Variants in HS6ST2 observed in about 807,000 individuals in gnomAD.
The protein encoded by HS6ST2 is heparan sulfate 6-O-sulfotransferase 2.
In HS6ST2, 17 loss-of-function variants were observed where a neutral mutation model predicts 33.0. The observed-to-expected ratio is 0.52, with a 90% CI of 0.35 to 0.77. The LOEUF (loss-of-function observed/expected upper bound fraction) is 0.77, where lower values mean the gene tolerates loss of function less well. Among genes scored for constraint, HS6ST2 ranks in the 30% least tolerant of loss-of-function variants. The probability of loss-of-function intolerance (pLI) is 0.01; values close to 1 mark genes in which losing one functional copy is unlikely to be tolerated. For missense variants in HS6ST2, 519 were observed against 551.7 expected, an observed-to-expected ratio of 0.94 and a Z score of 0.59; for synonymous variants, 248 against 237.1, an observed-to-expected ratio of 1.05 and a Z score of -0.42.
chrX:132,803,276 G>T (rs1254407437), intron 2 of HS6ST2, among the ~76,000 whole-genome samples: 1 of 111,341 alleles, frequency 9.0e-6, no homozygotes, highest in African/African-American at 3.3e-5. Context: ...CTAGTATCTT[G>T]CTTTACCTCT....
chrX:132,902,346 G>C (rs2066433705), intron 2 of HS6ST2, among the ~76,000 whole-genome samples: 1 of 111,737 alleles, frequency 8.9e-6, no homozygotes, highest in Non-Finnish European at 1.9e-5. Context: ...CAAACAATCT[G>C]CCAGCCTTGG....
At chrX:132,840,386 T>G (rs2065697481) in intron 2 of HS6ST2, among the ~76,000 whole-genome samples, 1 of 109,976 alleles carries the variant, frequency 9.1e-6, no homozygotes, top group Admixed American at 9.7e-5. Flanking sequence ...TGGGTTTCCC[T>G]CCTCCCCACT....
At chrX:132,760,319 G>C (rs1379608441) in intron 2 of HS6ST2, among the ~76,000 whole-genome samples, 1 of 110,987 alleles carries the variant, frequency 9.0e-6, no homozygotes, top group Non-Finnish European at 1.9e-5. Context: ...GACTTGGTGG[G>C]AGGTAATTGA....
Position 132,695,733 on chromosome X carries a change from G to A in HS6ST2, c.980+12729C>T, listed in dbSNP as rs148297452. ...AAAGTCATTCGCTGGCTGGGAGCTCGACAAGTACTAATTATTCTCTTCATT... is the reference window on the plus strand; with the variant it reads ...AAAGTCATTCGCTGGCTGGGAGCTCAACAAGTACTAATTATTCTCTTCATT... On this transcript the variant is annotated intron_variant, in intron 3 of 4. Transcript: ENST00000370833. 6.2e-3 allele frequency among the ~76,000 whole-genome samples: 691 copies of A among 111,904 alleles called. 4 individuals carry two copies. Among genetic ancestry groups the A allele is most frequent in the African/African-American group, 0.021 (642 of 30,842 alleles).
At position 132,628,446 on chromosome X, in the gene HS6ST2, C is replaced by T. The variant is rs2063494145; in HGVS notation, c.1715G>A (p.Ser572Asn). The T allele has an allele frequency of 2.5e-6, 3 of 1,210,528 alleles. No homozygotes were observed. Among genetic ancestry groups the T allele is most frequent in the South Asian group, 3.5e-5 (2 of 56,901 alleles). Residue 572 changes from serine to asparagine, a missense_variant, in exon 5 of 5, where the codon AGC (serine) becomes AAC (asparagine). Coordinates refer to ENST00000370833, the MANE Select transcript of HS6ST2 (RefSeq NM_001394073.1). Reference sequence around the variant, plus strand: ...ATTCTGGCTCTGGCCCTGACCCTGGCTCTGGAAATGGGTCTGAAGGAGCCT... The same window carrying T: ...ATTCTGGCTCTGGCCCTGACCCTGGTTCTGGAAATGGGTCTGAAGGAGCCT... ...KGRLLQTHFQ[S>N]QGQGQSQNPN...
In HS6ST2 at chrX:132,958,577, C is replaced by G. The variant is rs1055394389; in HGVS notation, c.26G>C (p.Arg9Pro). 8.5e-7 allele frequency: 1 copy of G among 1,180,478 alleles called. No individual in the cohort carries two copies. The highest frequency in any genetic ancestry group is 1.1e-6 in the Non-Finnish European group (1 of 879,772). ...CGGTTGCCGCGGCGGCTCGAACTCC[C>G]GGACTGCACACGCAGGCAGTGCCAT... MALPACAVREFEPPRQPER... is the reference protein window; with the variant it reads MALPACAVPEFEPPRQPER... The change falls in exon 1 of 5, where the codon CGG becomes CCG. Residue 9 changes from arginine (R) to proline (P), a missense_variant. Coordinates refer to ENST00000370833, the MANE Select transcript of HS6ST2 (RefSeq NM_001394073.1).
intron 2 of HS6ST2, among the ~76,000 whole-genome samples, chrX:132,832,695 A>G (rs2065601889): frequency 8.9e-6 from 1 of 112,027 alleles, no homozygotes; most frequent in Non-Finnish European, 1.9e-5. Flanking sequence ...AAAATACAGA[A>G]GAAAAATCAG....
At chrX:132,708,095 G>C (rs1362557508) in intron 3 of HS6ST2, among the ~76,000 whole-genome samples, 1 of 110,179 alleles carries the variant, frequency 9.1e-6, no homozygotes, top group Non-Finnish European at 1.9e-5. Context: ...CTGAAGCACT[G>C]TAAAGAACAC....
chrX:132,944,849 T>C (rs2066929917), intron 2 of HS6ST2, among the ~76,000 whole-genome samples: 2 of 110,409 alleles, frequency 1.8e-5, no homozygotes, highest in South Asian at 3.9e-4. Context: ...ATACAAAAAT[T>C]AATTCAAGAT....
chrX:132,670,759 G>C (rs181029407), intron 3 of HS6ST2, among the ~76,000 whole-genome samples: 1 of 112,716 alleles, frequency 8.9e-6, no homozygotes, highest in East Asian at 2.8e-4. Context: ...GTTGCAGTGA[G>C]CCAAAATTGT....
intron 2 of HS6ST2, among the ~76,000 whole-genome samples, chrX:132,755,899 T>C (rs2064753224): frequency 8.9e-6 from 1 of 112,081 alleles, no homozygotes; most frequent in South Asian, 3.8e-4. Flanking sequence ...AGTTTGGGCC[T>C]TGTTGGAAAG....
At chrX:132,726,295 T>A (rs2064391572) in intron 2 of HS6ST2, among the ~76,000 whole-genome samples, 1 of 110,503 alleles carries the variant, frequency 9.0e-6, no homozygotes, top group Admixed American at 9.6e-5. Flanking sequence ...ATACACCTAC[T>A]ATGTACCCAC....
chrX:132,669,247 G>C (rs765361232), intron 3 of HS6ST2, 48 bp from the exon 4 acceptor site: 48 of 1,082,351 alleles, frequency 4.4e-5, no homozygotes, highest in Non-Finnish European at 5.9e-5. Context: ...AAGGACCACA[G>C]AGACAAAAAG....
chrX:132,656,629 C>T (rs2063731576), intron 4 of HS6ST2, among the ~76,000 whole-genome samples: 1 of 111,702 alleles, frequency 9.0e-6, no homozygotes, highest in Non-Finnish European at 1.9e-5. Context: ...CATTATATTG[C>T]TCTGTATGCC....
At chrX:132,750,947 C>A (rs2064701273) in intron 2 of HS6ST2, among the ~76,000 whole-genome samples, 1 of 112,179 alleles carries the variant, frequency 8.9e-6, no homozygotes, top group South Asian at 3.7e-4. Context: ...CAGCTCCAAG[C>A]CGACAGTGGG....
At chrX:132,774,102 A>T (rs1026592266) in intron 2 of HS6ST2, among the ~76,000 whole-genome samples, 1 of 112,556 alleles carries the variant, frequency 8.9e-6, no homozygotes, top group Non-Finnish European at 1.9e-5. Context: ...ACAGCATATG[A>T]TTTAAAGGGG....
At chrX:132,884,707 G>C (rs978995511) in intron 2 of HS6ST2, among the ~76,000 whole-genome samples, 19 of 111,373 alleles carry the variant, frequency 1.7e-4, no homozygotes, top group Admixed American at 3.8e-4. Context: ...AAGAATGATG[G>C]GAAGTGTTAA....
intron 2 of HS6ST2, among the ~76,000 whole-genome samples, chrX:132,737,885 T>C (rs1332957410): frequency 8.9e-6 from 1 of 112,413 alleles, no homozygotes; most frequent in Admixed American, 9.3e-5. Context: ...TTCCTGGAAG[T>C]AGGTGCCTCT....
intron 2 of HS6ST2, among the ~76,000 whole-genome samples, chrX:132,768,335 C>CAAAAA (rs771487342): frequency 2.2e-5 from 1 of 46,312 alleles, no homozygotes; most frequent in African/African-American, 8.2e-5. Context: ...GACTCTGTCT[C>CAAAAA]AAAAAAAAAA....
Sources: allele counts gnomAD v4.1 joint callset (sites outside exome capture counted in the v4.1 genomes callset), GRCh38; gene constraint gnomAD v4.1.1; transcripts MANE v1.5; gene names NCBI Gene and HGNC (gene_info 2026-07-23, HGNC 2026-07-21).